Variants in PRELID2 observed in about 807,000 individuals in gnomAD.
The protein encoded by PRELID2 is PRELI domain containing 2, also known as PRELI domain-containing protein 2.
Under a neutral mutation model 28.4 loss-of-function variants are expected in PRELID2, and 25 were observed. That is an observed-to-expected ratio of 0.88 (90% CI 0.64 to 1.23). The LOEUF (loss-of-function observed/expected upper bound fraction) is 1.23. Among genes scored for constraint, PRELID2 ranks in the 50% most tolerant of loss-of-function variants. The pLI is 0.00. For missense variants in PRELID2, 201 were observed against 214.4 expected (o/e 0.94, Z 0.39); for synonymous variants, 76 against 71.6 (o/e 1.06, Z -0.31).
At chr5:145,599,768 A>C (rs1261696560) in intron 1 of PRELID2, among the ~76,000 whole-genome samples, 1 of 152,162 alleles carries the variant, frequency 6.6e-6, no homozygotes, top group African/African-American at 2.4e-5. Context: ...TCATAGGCAA[A>C]AGCAAATCAG....
rs1757290119 is a variant in PRELID2, at chr5:145,757,401, A to G, written c.*3135T>C. On this transcript the variant is annotated 3_prime_UTR_variant, in exon 7 of 7. Coordinates refer to ENST00000683046, the MANE Select transcript of PRELID2 (RefSeq NM_205846.3). The stretch of plus-strand genomic sequence containing the variant: ...TCAGAATCGCTGGGGAAAGGGACTG[A>G]GAACCTGCACGTTAGCACGTTGCCC... 6.6e-6 allele frequency among the ~76,000 whole-genome samples: 1 copy of G among 152,240 alleles called. No homozygotes were observed. Among genetic ancestry groups the G allele is most frequent in the Admixed American group, 6.5e-5 (1 of 15,274 alleles).
chr5:145,348,760 T>C, the PRELID2 span, among the ~76,000 whole-genome samples: 1 of 152,134 alleles, frequency 6.6e-6, no homozygotes, highest in African/African-American at 2.4e-5. Context: ...TCTTGCAAAT[T>C]TGACTCCATG....
intron 1 of PRELID2, among the ~76,000 whole-genome samples, chr5:145,739,053 C>T (rs1171941631): frequency 1.3e-5 from 2 of 152,074 alleles, no homozygotes; most frequent in Non-Finnish European, 2.9e-5. Flanking sequence ...GAATTATCAA[C>T]CCAGAATCCT....
Position 145,824,472 on chromosome 5 carries a change from T to TA in PRELID2, c.76-1339_76-1338insT, listed in dbSNP as rs763507392. 3.7e-3 allele frequency among the ~76,000 whole-genome samples: 268 copies of TA among 71,632 alleles called. 2 individuals are homozygous for TA. The Middle Eastern group carries it at 0.059, about 16-fold the overall frequency. The allele number at this position is 71,632 out of a possible 152,430, so 47.0% of individuals were successfully genotyped here. On this transcript the variant is annotated intron_variant, in intron 1 of 6. Transcript: ENST00000683046. The stretch of plus-strand genomic sequence containing the variant: ...TGTGTGTGTGTGTGTGTGATATTGA[T>TA]TTATTAATGGATTTTTCAGGGAAAG...
downstream of PRELID2, among the ~76,000 whole-genome samples, chr5:145,469,760 C>T (rs182361959): frequency 3.3e-5 from 5 of 152,098 alleles, no homozygotes; most frequent in Admixed American, 6.6e-5. Context: ...ACCTCTGGCT[C>T]GATCAAAGAA....
intron 5 of PRELID2, among the ~76,000 whole-genome samples, chr5:145,788,874 C>G (rs563314339): frequency 1.3e-5 from 2 of 152,118 alleles, no homozygotes; most frequent in South Asian, 4.2e-4. Flanking sequence ...TAACAACAGA[C>G]TATCCGAAAA....
chr5:145,469,093 C>A (rs1404335438), downstream of PRELID2, among the ~76,000 whole-genome samples: 5 of 152,086 alleles, frequency 3.3e-5, no homozygotes, highest in Non-Finnish European at 7.4e-5. Flanking sequence ...TAAGGTGTGG[C>A]AGCAATTGGC....
the PRELID2 span, among the ~76,000 whole-genome samples, chr5:145,461,052 T>C: frequency 2.0e-5 from 3 of 152,150 alleles, no homozygotes; most frequent in African/African-American, 7.2e-5. Flanking sequence ...ATGGAGATAA[T>C]GAGAGCTTTG....
intron 1 of PRELID2, among the ~76,000 whole-genome samples, chr5:145,727,303 G>T (rs554006836): frequency 2.0e-5 from 3 of 152,276 alleles, no homozygotes; most frequent in African/African-American, 7.2e-5. Flanking sequence ...CAACCCACGA[G>T]GGGTTTTATG....
At position 145,787,729 on chromosome 5, in the gene PRELID2, C is replaced by T. The variant is rs187006015; in HGVS notation, c.474+8713G>A. 1.9e-4 allele frequency among the ~76,000 whole-genome samples: 29 copies of T among 152,058 alleles called. No individual in the cohort carries two copies. In the East Asian group the frequency reaches 5.4e-3, roughly 28 times the overall value. ...TAATTGTTTTGGTTTTCTGTAGAGA[C>T]GAGATCTCCCTATGTTGCCTATGCT... is the stretch of plus-strand genomic sequence containing the variant. On this transcript the variant is annotated intron_variant, in intron 5 of 6. Coordinates refer to ENST00000683046, the MANE Select transcript of PRELID2 (RefSeq NM_205846.3).
the PRELID2 span, among the ~76,000 whole-genome samples, chr5:145,241,025 G>T: frequency 6.6e-6 from 1 of 151,858 alleles, no homozygotes. Context: ...TCCTCATCTG[G>T]AATATGATAT....
rs1297863274 is a variant in PRELID2, at chr5:145,823,092, T to C, written c.118A>G (p.Met40Val). 8 of 1,529,584 alleles carry C rather than the reference T, an allele frequency of 5.2e-6. 1 individual carries two copies. In the Admixed American group the frequency reaches 1.3e-4, roughly 26 times the overall value. The allele number at this position is 1,529,584 out of a possible 1,614,324, so 94.8% of individuals were successfully genotyped here. A position where few individuals can be genotyped will look rare whatever the true frequency, so the allele number is the denominator to read the frequency against. The change falls in exon 2 of 7, where the codon ATG becomes GTG. Residue 40 changes from methionine to valine, a missense_variant. By Grantham distance (21) the Met-to-Val change is conservative. Transcript: ENST00000683046. ...GAGAACTTACCTCTTTTTTCCTCCA[T>C]GATTTTTACTGAGATGACATTTTTA... ...MDKNVISVKI[M>V]EEKRDESTGV...
In PRELID2 at chr5:145,741,669, AAAT is replaced by A. The variant is rs1231409525; in HGVS notation, n.70+23259_70+23261del. 1.9e-4 allele frequency among the ~76,000 whole-genome samples: 5 copies of A among 25,942 alleles called. 2 individuals carry two copies. The highest frequency in any genetic ancestry group is 7.0e-4 in the Admixed American group (1 of 1,434). The allele number at this position is 25,942 out of a possible 152,430, so 17.0% of individuals were successfully genotyped here. A position where few individuals can be genotyped will look rare whatever the true frequency, so the allele number is the denominator to read the frequency against. Reference sequence around the variant, plus strand: ...ATATATAAATAATTTATTTATATATAAATAATTTATAAATAATTTATTTATATA... The same window carrying A: ...ATATATAAATAATTTATTTATATATAAATTTATAAATAATTTATTTATATA... On this transcript the variant is annotated intron_variant and non_coding_transcript_variant, in intron 1 of 2. Transcript: ENST00000510259.
At chr5:145,349,276 G>A in the PRELID2 span, among the ~76,000 whole-genome samples, 1 of 152,020 alleles carries the variant, frequency 6.6e-6, no homozygotes, top group South Asian at 2.1e-4. Context: ...GTCTTCTAAA[G>A]AATTTTTAAA....
At chr5:145,823,192 T>C in intron 1 of PRELID2, 58 bp from the exon 2 acceptor site, 1 of 862,882 alleles carries the variant, frequency 1.2e-6, no homozygotes, top group South Asian at 1.4e-5. Flanking sequence ...GTGAACTATT[T>C]AGAAGTAACC....
chr5:145,499,011 T>A (rs1404490566), intron 1 of PRELID2, among the ~76,000 whole-genome samples: 1 of 152,096 alleles, frequency 6.6e-6, no homozygotes, highest in Non-Finnish European at 1.5e-5. Flanking sequence ...AAGGAAAATA[T>A]CTTTTAAAGT....
chr5:145,451,998 A>G, the PRELID2 span, among the ~76,000 whole-genome samples: 2 of 152,162 alleles, frequency 1.3e-5, no homozygotes, highest in Non-Finnish European at 2.9e-5. Flanking sequence ...AAATTGTCCC[A>G]TGACCCCAAG....
At chr5:145,745,618 T>C (rs1164550154) in intron 1 of PRELID2, among the ~76,000 whole-genome samples, 3 of 152,066 alleles carry the variant, frequency 2.0e-5, no homozygotes, top group Non-Finnish European at 4.4e-5. Context: ...TCCCAGCACT[T>C]TGGGAGGCCG....
At chr5:145,619,145 C>T (rs900983794) in intron 1 of PRELID2, among the ~76,000 whole-genome samples, 5 of 152,188 alleles carry the variant, frequency 3.3e-5, no homozygotes, top group African/African-American at 1.2e-4. Context: ...AGTTCTTCCC[C>T]CACGTGTGGA....
Sources: allele counts gnomAD v4.1 joint callset (sites outside exome capture counted in the v4.1 genomes callset), GRCh38; gene constraint gnomAD v4.1.1; transcripts MANE v1.5; gene names NCBI Gene and HGNC (gene_info 2026-07-23, HGNC 2026-07-21).